The following TDRP variants were observed in gnomAD, a reference collection of about 807,000 sequenced individuals.
TDRP encodes testis development-related protein.
In TDRP, 12 loss-of-function variants were observed where a neutral mutation model predicts 10.5. The observed-to-expected ratio is 1.15, with a 90% CI of 0.73 to 1.86. The LOEUF (loss-of-function observed/expected upper bound fraction) is 1.86. TDRP is among the 40% of genes most tolerant of loss of function. The probability of loss-of-function intolerance (pLI) is 0.00; values close to 1 mark genes in which losing one functional copy is unlikely to be tolerated. For synonymous variants in TDRP, 139 were observed against 95.4 expected (o/e 1.46, Z -2.67); for missense variants, 353 against 229.2 (o/e 1.54, Z -3.49).
At chr8:508,064 A>C (rs1801512304) in intron 1 of TDRP, among the ~76,000 whole-genome samples, 2 of 152,248 alleles carry the variant, frequency 1.3e-5, no homozygotes, top group African/African-American at 4.8e-5. Flanking sequence ...GACTTCAAAG[A>C]ACCATTATAA....
intron 1 of TDRP, among the ~76,000 whole-genome samples, chr8:527,088 A>G (rs1802054312): frequency 6.6e-6 from 1 of 152,110 alleles, no homozygotes; most frequent in South Asian, 2.1e-4. Flanking sequence ...AAACTAATAA[A>G]CAAATTCAAA....
chr8:511,430 G>T (rs920837020), intron 1 of TDRP, among the ~76,000 whole-genome samples: 2 of 151,964 alleles, frequency 1.3e-5, no homozygotes, highest in Non-Finnish European at 2.9e-5. Context: ...AACAATTAAA[G>T]ACTTACATGT....
chr8:500,221 G>A (rs1330368421), intron 1 of TDRP, among the ~76,000 whole-genome samples: 2 of 152,132 alleles, frequency 1.3e-5, no homozygotes, highest in East Asian at 3.9e-4. Flanking sequence ...AGTGCTTCAT[G>A]TTTCATGAAG....
intron 1 of TDRP, among the ~76,000 whole-genome samples, chr8:525,020 A>C (rs1021946761): frequency 6.6e-6 from 1 of 152,172 alleles, no homozygotes; most frequent in Admixed American, 6.5e-5. Context: ...GCTTTTACTA[A>C]TCAAACTCCT....
At chr8:512,544 T>C (rs112206168) in intron 1 of TDRP, among the ~76,000 whole-genome samples, 43 of 152,086 alleles carry the variant, frequency 2.8e-4, no homozygotes, top group African/African-American at 1.0e-3. Context: ...CTATTGACCT[T>C]ATATAAATCA....
At position 492,496 on chromosome 8, in the gene TDRP, T is replaced by A. The variant is rs754397218; in HGVS notation, c.461A>T (p.Asn154Ile). The change falls in exon 3 of 3, where the codon AAC becomes ATC. Residue 154 changes from asparagine to isoleucine, a missense_variant. Transcript: ENST00000324079. ...TKYTSLASSA[N>I]SSRWSLRAAG... ...CGCGCGCAGGCTCCACCTGGAGCTG[T>A]TGGCAGAGCTGGCCAGGCTGGTGTA... 1.9e-6 allele frequency: 3 copies of A among 1,610,640 alleles called. No homozygotes were observed. The highest frequency in any genetic ancestry group is 2.5e-6 in the Non-Finnish European group (3 of 1,178,114).
At chr8:501,856 C>T (rs1358335470) in intron 1 of TDRP, among the ~76,000 whole-genome samples, 1 of 152,200 alleles carries the variant, frequency 6.6e-6, no homozygotes, top group African/African-American at 2.4e-5. Flanking sequence ...CCCAGAAATA[C>T]AGCTCTTTGT....
At chr8:526,938 T>C (rs138813577) in intron 1 of TDRP, among the ~76,000 whole-genome samples, 21 of 152,220 alleles carry the variant, frequency 1.4e-4, no homozygotes, top group African/African-American at 4.3e-4. Context: ...AGACATGATC[T>C]TATACTTGGA....
intron 1 of TDRP, among the ~76,000 whole-genome samples, chr8:503,559 T>C (rs1480584319): frequency 1.5e-5 from 2 of 129,236 alleles, no homozygotes; most frequent in Non-Finnish European, 3.1e-5. Flanking sequence ...CCACTCACCA[T>C]GCATCAACAC....
chr8:513,026 A>G (rs920783191), intron 1 of TDRP, among the ~76,000 whole-genome samples: 3 of 152,136 alleles, frequency 2.0e-5, no homozygotes, highest in Admixed American at 6.5e-5. Flanking sequence ...AGGCTACCCA[A>G]AAAGAAAAGC....
chr8:502,944 G>A (rs1801345077), intron 1 of TDRP, among the ~76,000 whole-genome samples: 1 of 151,586 alleles, frequency 6.6e-6, no homozygotes, highest in Non-Finnish European at 1.5e-5. Flanking sequence ...TGAATCCAGA[G>A]CCACACACTG....
At chr8:514,480 G>T (rs545694923) in intron 1 of TDRP, among the ~76,000 whole-genome samples, 1 of 152,262 alleles carries the variant, frequency 6.6e-6, no homozygotes, top group Non-Finnish European at 1.5e-5. Flanking sequence ...CAAAACTGGG[G>T]ACAGGATGCT....
chr8:504,375 T>A lies in TDRP; in HGVS notation c.109-9778A>T, dbSNP rs1801396203. The stretch of plus-strand genomic sequence containing the variant: ...TTTTCCCTGAGTTTTAACCTGGGGG[T>A]GCAGCAATAAAGCATTCACTTCAAG... On this transcript the variant is annotated intron_variant, in intron 1 of 2. Transcript: ENST00000324079. Among the ~76,000 whole-genome samples the A allele has an allele frequency of 2.0e-5, 3 of 152,018 alleles. No individual in the cohort carries two copies. In the South Asian group the frequency reaches 6.2e-4, roughly 32 times the overall value.
chr8:542,740 G>C (rs148063614), intron 1 of TDRP, among the ~76,000 whole-genome samples: 2 of 151,416 alleles, frequency 1.3e-5, no homozygotes, highest in African/African-American at 4.9e-5. Context: ...ACACATGCTC[G>C]TAATCCCAGC....
chr8:501,850 G>A (rs13262152), intron 1 of TDRP, among the ~76,000 whole-genome samples: 2 of 151,992 alleles, frequency 1.3e-5, no homozygotes, highest in South Asian at 2.1e-4. Flanking sequence ...CATGGGCCCA[G>A]AAATACAGCT....
intron 1 of TDRP, among the ~76,000 whole-genome samples, chr8:495,840 C>T (rs559341563): frequency 6.6e-6 from 1 of 152,218 alleles, no homozygotes; most frequent in African/African-American, 2.4e-5. Flanking sequence ...GGGTGTAACA[C>T]AGCCTCAGGA....
rs1801564659 is a variant in TDRP at position 509,839 on chromosome 8, TG to T, written c.109-15243del. On this transcript the variant is annotated intron_variant, in intron 1 of 2. Transcript: ENST00000324079. The stretch of plus-strand genomic sequence containing the variant: ...TGCAAAGTTTCCAAACTTTGACGCC[TG>T]TTTCCCTTTTAACATAAGTTCTGTG... 2.0e-5 allele frequency among the ~76,000 whole-genome samples: 3 copies of T among 152,234 alleles called. No individual in the cohort carries two copies. The South Asian group carries it at 6.2e-4, about 32-fold the overall frequency.
chr8:527,881 C>T (rs954368121), intron 1 of TDRP, among the ~76,000 whole-genome samples: 7 of 152,140 alleles, frequency 4.6e-5, no homozygotes, highest in Admixed American at 1.3e-4. Context: ...CCCACAAGCA[C>T]AGGTAACCAA....
chr8:530,162 A>G (rs1584879749), intron 1 of TDRP, among the ~76,000 whole-genome samples: 1 of 151,920 alleles, frequency 6.6e-6, no homozygotes, highest in Non-Finnish European at 1.5e-5. Flanking sequence ...TTTTCAATTC[A>G]GTTATTTCTC....
Sources: gnomAD v4.1 joint callset for allele counts (sites outside exome capture counted in the v4.1 genomes callset) on GRCh38, gnomAD v4.1.1 for gene constraint, MANE v1.5 for transcripts, NCBI Gene and HGNC (gene_info 2026-07-23, HGNC 2026-07-21) for gene names.